Variants in PRKN observed in about 807,000 individuals in gnomAD.
The protein encoded by PRKN is E3 ubiquitin-protein ligase parkin.
A neutral mutation model predicts 59.5 loss-of-function variants in PRKN; 56 were observed. The observed-to-expected ratio is 0.94, with a 90% CI of 0.76 to 1.18. The LOEUF (loss-of-function observed/expected upper bound fraction) is 1.18. PRKN is among the 50% of genes most tolerant of loss of function. The pLI, the probability that PRKN is intolerant of heterozygous loss-of-function variation, is 0.00. For missense variants in PRKN, 657 were observed against 596.4 expected (o/e 1.10, Z -1.06); for synonymous variants, 250 against 222.1 (o/e 1.13, Z -1.12).
At position 162,555,437 on chromosome 6, in the gene PRKN, T is replaced by A. The variant is rs188682650; in HGVS notation, c.8-111964A>T. On this transcript the variant is annotated intron_variant, in intron 1 of 11. Transcript: ENST00000366898. The stretch of plus-strand genomic sequence containing the variant: ...AAAATGAGAGAGCAAATTACACTAA[T>A]CCATTGGGTAAAGAAAAACTTAAAA... Among the ~76,000 whole-genome samples, 3 of 152,256 alleles carry A rather than the reference T, an allele frequency of 2.0e-5. No individual in the cohort carries two copies. The East Asian group carries it at 5.8e-4, about 29-fold the overall frequency.
intron 1 of PRKN, among the ~76,000 whole-genome samples, chr6:162,558,141 A>C (rs9355398): frequency 0.31 from 46,676 of 151,964 alleles, 7,622 homozygotes; most frequent in East Asian, 0.49. Context: ...TGGTGATTTG[A>C]TGATAAAAAA....
At chr6:161,743,796 A>G (rs1202158808) in intron 7 of PRKN, among the ~76,000 whole-genome samples, 1 of 152,154 alleles carries the variant, frequency 6.6e-6, no homozygotes, top group Non-Finnish European at 1.5e-5. Context: ...ATCATTCTAT[A>G]TTGTATACAT....
chr6:162,076,188 C>T (rs568928930), intron 4 of PRKN, among the ~76,000 whole-genome samples: 2 of 152,016 alleles, frequency 1.3e-5, no homozygotes, highest in African/African-American at 2.4e-5. Flanking sequence ...AGACTGGTCT[C>T]GAACTCCTGA....
chr6:162,420,711 C>T (rs1788917610), intron 2 of PRKN, among the ~76,000 whole-genome samples: 1 of 152,120 alleles, frequency 6.6e-6, no homozygotes, highest in South Asian at 2.1e-4. Context: ...GGACTTGTAG[C>T]TATGACTCTG....
At chr6:162,434,613 A>C (rs2128164380) in intron 2 of PRKN, among the ~76,000 whole-genome samples, 1 of 152,300 alleles carries the variant, frequency 6.6e-6, no homozygotes, top group Non-Finnish European at 1.5e-5. Context: ...CTTTAACATA[A>C]ACTATTATAA....
intron 1 of PRKN, among the ~76,000 whole-genome samples, chr6:162,480,976 TTGTGTGTG>T (rs112268739): frequency 2.7e-5 from 4 of 149,936 alleles, no homozygotes; most frequent in African/African-American, 9.8e-5. Context: ...CAGCTAATTT[TTGTGTGTG>T]TGTGTGTGTG....
rs756967760 is a variant in PRKN, at chr6:162,708,931, C to T, written c.7+18731G>A. On this transcript the variant is annotated intron_variant, in intron 1 of 11. Coordinates refer to ENST00000366898, the MANE Select transcript of PRKN (RefSeq NM_004562.3). ...CCTTCCTCTGTATTTACAGGTGCTC[C>T]CTATCACTTGCCTTACCACCTGAGC... Among the ~76,000 whole-genome samples, 3 of 152,262 alleles carry T rather than the reference C, an allele frequency of 2.0e-5. No individual in the cohort carries two copies. The East Asian group carries it at 5.8e-4, about 29-fold the overall frequency.
At chr6:162,425,285 G>A (rs1485413078) in intron 2 of PRKN, among the ~76,000 whole-genome samples, 1 of 152,118 alleles carries the variant, frequency 6.6e-6, no homozygotes, top group Non-Finnish European at 1.5e-5. Flanking sequence ...ATGGTGAAGA[G>A]ACACACTGCC....
intron 2 of PRKN, among the ~76,000 whole-genome samples, chr6:162,410,711 A>G (rs1788313342): frequency 6.6e-6 from 1 of 152,182 alleles, no homozygotes; most frequent in Non-Finnish European, 1.5e-5. Context: ...TTCAAAACAC[A>G]TTCTTGCCAA....
intron 9 of PRKN, among the ~76,000 whole-genome samples, chr6:161,501,832 C>T (rs1777975112): frequency 6.6e-6 from 1 of 152,188 alleles, no homozygotes; most frequent in Non-Finnish European, 1.5e-5. Context: ...CTTGGACAGA[C>T]AGGGGTTTCC....
chr6:161,408,498 T>G (rs1046599464), intron 9 of PRKN, among the ~76,000 whole-genome samples: 1 of 147,540 alleles, frequency 6.8e-6, no homozygotes, highest in Non-Finnish European at 1.5e-5. Context: ...TTTTTTTTTT[T>G]GGTACAATTT....
chr6:162,271,482 G>T (rs1780390617), intron 2 of PRKN: 1 of 151,552 alleles, frequency 6.6e-6, no homozygotes, highest in South Asian at 2.1e-4. Context: ...TGTGGACGTT[G>T]CAGTGAACCA....
At chr6:162,188,172 G>A (rs1400662886) in intron 4 of PRKN, among the ~76,000 whole-genome samples, 5 of 152,098 alleles carry the variant, frequency 3.3e-5, no homozygotes, top group African/African-American at 7.2e-5. Flanking sequence ...CAGCCGTGTG[G>A]AACTGTAAAT....
At chr6:161,674,674 T>C (rs565805674) in intron 7 of PRKN, among the ~76,000 whole-genome samples, 1 of 152,320 alleles carries the variant, frequency 6.6e-6, no homozygotes, top group South Asian at 2.1e-4. Context: ...CACTGACATT[T>C]ATGATCAGAA....
chr6:161,750,522 C>G (rs577324646), intron 7 of PRKN, among the ~76,000 whole-genome samples: 1 of 152,056 alleles, frequency 6.6e-6, no homozygotes, highest in South Asian at 2.1e-4. Context: ...AATCCCAGCA[C>G]TTGGGGAGGC....
intron 6 of PRKN, among the ~76,000 whole-genome samples, chr6:161,884,988 AAAT>A (rs1795079025): frequency 1.3e-5 from 2 of 152,054 alleles, no homozygotes; most frequent in African/African-American, 4.8e-5. Flanking sequence ...AAAAAAAAAA[AAAT>A]GCTATCTGTA....
intron 5 of PRKN, among the ~76,000 whole-genome samples, chr6:162,052,840 GTATGTATATATGTATAACACA>G (rs1407114892): frequency 1.3e-5 from 2 of 150,706 alleles, no homozygotes; most frequent in African/African-American, 2.4e-5. Flanking sequence ...AAGATTCTAT[GTATGTATATATGTATAACACA>G]TATGTATATA....
chr6:161,798,271 G>T (rs1013277971), intron 6 of PRKN, among the ~76,000 whole-genome samples: 2 of 152,118 alleles, frequency 1.3e-5, no homozygotes, highest in African/African-American at 2.4e-5. Flanking sequence ...CCAAGATAAA[G>T]GAATTCATGC....
chr6:161,672,686 G>C (rs1784953011), intron 7 of PRKN, among the ~76,000 whole-genome samples: 1 of 152,126 alleles, frequency 6.6e-6, no homozygotes, highest in Non-Finnish European at 1.5e-5. Flanking sequence ...TGAGACAGGA[G>C]AATCACTTGA....
Sources: allele counts gnomAD v4.1 joint callset (sites outside exome capture counted in the v4.1 genomes callset), GRCh38; gene constraint gnomAD v4.1.1; transcripts MANE v1.5; gene names NCBI Gene and HGNC (gene_info 2026-07-23, HGNC 2026-07-21).